ANXA6: variants seen among roughly 807,000 people sequenced by gnomAD.
ANXA6 encodes the protein annexin A6.
Under a neutral mutation model 95.4 loss-of-function variants are expected in ANXA6, and 71 were observed. That is an observed-to-expected ratio of 0.74 (90% CI 0.61 to 0.91). The LOEUF (loss-of-function observed/expected upper bound fraction) is 0.91. ANXA6 is among the 40% of genes least tolerant of loss of function. The pLI, the probability that ANXA6 is intolerant of heterozygous loss-of-function variation, is 0.00. For missense variants in ANXA6, 830 were observed against 876.4 expected, an observed-to-expected ratio of 0.95 and a Z score of 0.67; for synonymous variants, 289 against 315.9, an observed-to-expected ratio of 0.91 and a Z score of 0.90.
In ANXA6 at chr5:151,132,356, A is replaced by G. The variant is rs557461453; in HGVS notation, c.736+120T>C. The G allele has an allele frequency of 8.8e-6, 7 of 791,878 alleles. No homozygotes were observed. In the Admixed American group the frequency reaches 1.2e-4, roughly 14 times the overall value. The allele number at this position is 791,878 out of a possible 1,614,324, so 49.1% of individuals were successfully genotyped here. A position where few individuals can be genotyped will look rare whatever the true frequency, so the allele number is the denominator to read the frequency against. Reference sequence around the variant, plus strand: ...GAAACCTTTAGAATTCACGGCCCACATGGTTTTCTCCTTCCCAATTCTATA... The same window carrying G: ...GAAACCTTTAGAATTCACGGCCCACGTGGTTTTCTCCTTCCCAATTCTATA... On this transcript the variant is annotated intron_variant, in intron 10 of 25. Coordinates refer to ENST00000354546, the MANE Select transcript of ANXA6 (RefSeq NM_001155.5).
In ANXA6 at chr5:151,133,292, A is replaced by G. The variant is rs1765570836; in HGVS notation, c.547-105T>C. The G allele has an allele frequency of 6.9e-6, 5 of 720,660 alleles. No homozygotes were observed. In the East Asian group the frequency reaches 1.4e-4, roughly 20 times the overall value. The allele number at this position is 720,660 out of a possible 1,614,324, so 44.6% of individuals were successfully genotyped here. A position where few individuals can be genotyped will look rare whatever the true frequency, so the allele number is the denominator to read the frequency against. ...CTGCCTGATCCCTGAACACACGAGTAATTGGTAGCCTGAAGACCTTTGCAA... is the reference window on the plus strand; with the variant it reads ...CTGCCTGATCCCTGAACACACGAGTGATTGGTAGCCTGAAGACCTTTGCAA... On this transcript the variant is annotated intron_variant, in intron 8 of 25. Transcript: ENST00000354546.
intron 2 of ANXA6, 51 bp downstream of exon 2, chr5:151,147,833 C>A: frequency 6.4e-7 from 1 of 1,571,934 alleles, no homozygotes; most frequent in East Asian, 2.3e-5. Context: ...CAGGAGGATC[C>A]CAGGCCCAGA....
At chr5:151,105,712 C>A (rs1470231192) in intron 23 of ANXA6, among the ~76,000 whole-genome samples, 1 of 152,190 alleles carries the variant, frequency 6.6e-6, no homozygotes, top group Non-Finnish European at 1.5e-5. Context: ...AGCAGTGGTT[C>A]TCAAAGTGTG....
chr5:151,129,103 T>C (rs1358114382), intron 12 of ANXA6, among the ~76,000 whole-genome samples: 1 of 152,262 alleles, frequency 6.6e-6, no homozygotes, highest in African/African-American at 2.4e-5. Flanking sequence ...CCCAGCCTTC[T>C]TCCAGGAGAC....
intron 17 of ANXA6, among the ~76,000 whole-genome samples, chr5:151,121,143 A>C (rs1765156559): frequency 6.6e-6 from 1 of 152,168 alleles, no homozygotes; most frequent in Non-Finnish European, 1.5e-5. Context: ...CCCTCCTCTT[A>C]ATGCGCAAGG....
At chr5:151,138,533 C>T (rs1344237072) in intron 5 of ANXA6, 145 bp downstream of exon 5, 1 of 636,578 alleles carries the variant, frequency 1.6e-6, no homozygotes, top group Non-Finnish European at 2.8e-6. Flanking sequence ...TCGGGATGCT[C>T]CTCTGGGATA....
intron 14 of ANXA6, among the ~76,000 whole-genome samples, chr5:151,125,988 C>T (rs1344785380): frequency 2.0e-5 from 3 of 152,214 alleles, no homozygotes; most frequent in Non-Finnish European, 2.9e-5. Flanking sequence ...TTAGTGAAAC[C>T]TTTCATTCCT....
chr5:151,149,641 C>T (rs1043795920), intron 1 of ANXA6, among the ~76,000 whole-genome samples: 1 of 152,098 alleles, frequency 6.6e-6, no homozygotes, highest in Non-Finnish European at 1.5e-5. Context: ...TGCACGGCAC[C>T]ACACCTGGCT....
At chr5:151,108,202 GC>G (rs1295295231) in intron 23 of ANXA6, among the ~76,000 whole-genome samples, 1 of 151,956 alleles carries the variant, frequency 6.6e-6, no homozygotes, top group African/African-American at 2.4e-5. Flanking sequence ...AGGACAGCGT[GC>G]CCCCTCCCCT....
intron 1 of ANXA6, among the ~76,000 whole-genome samples, chr5:151,153,620 A>G (rs889392803): frequency 2.0e-5 from 3 of 152,180 alleles, no homozygotes; most frequent in African/African-American, 7.2e-5. Flanking sequence ...AGGTTGTCTG[A>G]CTCGAGACTT....
At chr5:151,126,293 G>GT (rs1491383264) in intron 14 of ANXA6, 109 bp downstream of exon 14, 5 of 856,504 alleles carry the variant, frequency 5.8e-6, no homozygotes, top group Middle Eastern at 2.2e-4. Flanking sequence ...GAGAATCAAC[G>GT]TGTCGGGTTG....
Position 151,137,314 on chromosome 5 carries a change from C to T in ANXA6, c.326G>A (p.Gly109Asp), listed in dbSNP as rs747783208. 40 of 1,612,582 alleles carry T rather than the reference C, an allele frequency of 2.5e-5. No homozygotes were observed. ...CTCAATGAGGCACTTCTCATCAGTG[C>T]CAATGCCCTGGGGGTAGAAAAAGAG... ...KEIKDAISGI[G>D]TDEKCLIEIL... The change falls in exon 6 of 26, where the codon GGC becomes GAC. Residue 109 changes from glycine to aspartate, a missense_variant. By Grantham distance (94) the Gly-to-Asp change is moderately conservative (BLOSUM62 -1). Transcript: ENST00000354546.
intron 14 of ANXA6, among the ~76,000 whole-genome samples, chr5:151,125,773 TAGA>T (rs1454904492): frequency 2.0e-5 from 3 of 152,268 alleles, no homozygotes; most frequent in African/African-American, 7.2e-5. Context: ...AACACTGTCC[TAGA>T]ACATCAGAGC....
In ANXA6 at chr5:151,132,510, C is replaced by G; in HGVS notation, c.702G>C (p.Leu234=). 1 of 1,613,470 alleles carries G rather than the reference C, an allele frequency of 6.2e-7. No homozygotes were observed. Residue 234 remains leucine, a synonymous_variant, in exon 10 of 26, where the codon CTG becomes CTC. Transcript: ENST00000354546. ...GCATTAGCTTCTCAAAGTCCCCAGA[C>G]AGCTCCCCTCGGATGCTGGCTTCAA... ...KPIEASIRGE[L]SGDFEKLMLA...
chr5:151,100,873 A>G lies in ANXA6; in HGVS notation c.*575T>C, dbSNP rs1764527327. 1 of 456,330 alleles carries G rather than the reference A, an allele frequency of 2.2e-6. No homozygotes were observed. The highest frequency in any genetic ancestry group is 1.5e-5 in the South Asian group (1 of 64,562). The allele number at this position is 456,330 out of a possible 1,614,324, so 28.3% of individuals were successfully genotyped here. ...AGAAAATAGAGACTCAGGGAGGGAA[A>G]GGGGCTGGCCTAAGGTCAGAAACAA... is the stretch of plus-strand genomic sequence containing the variant. On this transcript the variant is annotated 3_prime_UTR_variant, in exon 26 of 26. Transcript: ENST00000354546.
intron 16 of ANXA6, 36 bp from the exon 17 acceptor site, chr5:151,122,296 G>A: frequency 7.7e-7 from 1 of 1,300,358 alleles, no homozygotes; most frequent in Non-Finnish European, 1.1e-6. Flanking sequence ...GCCAACATCA[G>A]CACTTGCCCA....
intron 14 of ANXA6, among the ~76,000 whole-genome samples, 169 bp from the exon 15 acceptor site, chr5:151,124,536 TGAGAGAGAGAGAGA>T (rs56708608): frequency 2.5e-4 from 36 of 146,834 alleles, no homozygotes; most frequent in African/African-American, 8.9e-4. Flanking sequence ...GCACGAGAGC[TGAGAGAGAGAGAGA>T]GAGAGAGAGA....
At chr5:151,141,604 A>C in intron 2 of ANXA6, 1 of 985,404 alleles carries the variant, frequency 1.0e-6, no homozygotes. Flanking sequence ...CGTGCCTCCC[A>C]ACGTCTGCAC....
chr5:151,105,368 G>T, intron 23 of ANXA6, 65 bp from the exon 24 acceptor site: 1 of 1,467,290 alleles, frequency 6.8e-7, no homozygotes, highest in Non-Finnish European at 9.5e-7. Flanking sequence ...ACTCTGGACC[G>T]GCCTCCCCCA....
Sources: gnomAD v4.1 joint callset for allele counts (sites outside exome capture counted in the v4.1 genomes callset) on GRCh38, gnomAD v4.1.1 for gene constraint, MANE v1.5 for transcripts, NCBI Gene and HGNC (gene_info 2026-07-23, HGNC 2026-07-21) for gene names.